The following CLMP variants were observed in gnomAD, a reference collection of about 807,000 sequenced individuals.
The protein encoded by CLMP is CXADR-like membrane protein.
CLMP carries 27 observed loss-of-function variants against 45.2 expected under a neutral mutation model. The ratio of observed to expected loss-of-function variants is 0.60; its 90% CI spans 0.44 to 0.82. The LOEUF is 0.82. Among genes scored for constraint, CLMP ranks in the 40% least tolerant of loss-of-function variants. CLMP has a pLI of 0.00. For missense variants in CLMP, 403 were observed against 448.4 expected (o/e 0.90, Z 0.91); for synonymous variants, 167 against 171.4 (o/e 0.97, Z 0.20).
intron 1 of CLMP, among the ~76,000 whole-genome samples, chr11:123,165,166 C>T (rs1454092363): frequency 6.6e-6 from 1 of 152,212 alleles, no homozygotes; most frequent in Non-Finnish European, 1.5e-5. Context: ...ACCATAGCAT[C>T]TTCTGATCTG....
chr11:123,091,072 CTTCTTTCTTTCTCTCTCTCTCTCTTTCT>C (rs1865927142), intron 2 of CLMP, among the ~76,000 whole-genome samples: 1 of 151,894 alleles, frequency 6.6e-6, no homozygotes, highest in South Asian at 2.1e-4. Context: ...GATTCTTTTC[CTTCTTTCTTTCTCTCTCTCTCTCTTTCT>C]TTGTTTCCTT....
chr11:123,182,302 A>AGATTCCATCACTTCT (rs1354583593), intron 1 of CLMP, among the ~76,000 whole-genome samples: 12 of 152,368 alleles, frequency 7.9e-5, no homozygotes, highest in African/African-American at 2.6e-4. Flanking sequence ...CCTGGAGCAC[A>AGATTCCATCACTTCT]GATTCCATCA....
chr11:123,118,979 T>C (rs866482086), intron 1 of CLMP, among the ~76,000 whole-genome samples: 130 of 45,212 alleles, frequency 2.9e-3, no homozygotes, highest in Middle Eastern at 0.011. Flanking sequence ...CTTTCTTTCT[T>C]TCTTTCTTTC....
At chr11:123,117,485 G>A (rs1024822605) in intron 1 of CLMP, among the ~76,000 whole-genome samples, 53 of 151,886 alleles carry the variant, frequency 3.5e-4, no homozygotes, top group African/African-American at 1.3e-3. Flanking sequence ...GGAGTGCAGT[G>A]GTACGATCTC....
chr11:123,130,042 A>G (rs370218939), intron 1 of CLMP, among the ~76,000 whole-genome samples: 1 of 152,010 alleles, frequency 6.6e-6, no homozygotes, highest in Non-Finnish European at 1.5e-5. Flanking sequence ...CACAGAGAAG[A>G]CTCTGCCCAC....
At chr11:123,091,655 G>A (rs776044353) in intron 2 of CLMP, among the ~76,000 whole-genome samples, 9 of 152,150 alleles carry the variant, frequency 5.9e-5, no homozygotes, top group Non-Finnish European at 1.0e-4. Context: ...TCTGGGCACC[G>A]ATTTCCCTAG....
chr11:123,119,967 G>A (rs1387667450), intron 1 of CLMP, among the ~76,000 whole-genome samples: 1 of 152,214 alleles, frequency 6.6e-6, no homozygotes, highest in Non-Finnish European at 1.5e-5. Context: ...AATTACAGGT[G>A]TGAGCCACCG....
chr11:123,141,215 C>G (rs1226700951), intron 1 of CLMP, among the ~76,000 whole-genome samples: 2 of 90,552 alleles, frequency 2.2e-5, no homozygotes, highest in Non-Finnish European at 3.8e-5. Flanking sequence ...GACGAAGTCT[C>G]ACTTTGTCGC....
chr11:123,168,175 C>T (rs1228199350), intron 1 of CLMP, among the ~76,000 whole-genome samples: 2 of 152,004 alleles, frequency 1.3e-5, no homozygotes, highest in Non-Finnish European at 2.9e-5. Context: ...TTATTCACTG[C>T]CTGTCCCCCC....
chr11:123,096,152 C>T (rs548251460), intron 2 of CLMP, among the ~76,000 whole-genome samples: 1 of 152,222 alleles, frequency 6.6e-6, no homozygotes, highest in East Asian at 1.9e-4. Flanking sequence ...CACCTGAGGT[C>T]AGGAGTTCGA....
intron 1 of CLMP, among the ~76,000 whole-genome samples, chr11:123,174,482 A>G (rs1289632817): frequency 1.3e-5 from 2 of 152,228 alleles, no homozygotes; most frequent in African/African-American, 4.8e-5. Flanking sequence ...CTCCCAAAAT[A>G]TAATATTTCA....
At chr11:123,123,369 C>T (rs1053767913) in intron 1 of CLMP, among the ~76,000 whole-genome samples, 2 of 150,000 alleles carry the variant, frequency 1.3e-5, no homozygotes, top group Admixed American at 6.7e-5. Context: ...AAGCCATTCT[C>T]GTGGATCAGC....
chr11:123,080,880 C>T (rs1865796465), intron 5 of CLMP, among the ~76,000 whole-genome samples: 2 of 152,146 alleles, frequency 1.3e-5, no homozygotes, highest in African/African-American at 4.8e-5. Context: ...TGTGGTGGCT[C>T]ACACCTGTGA....
At chr11:123,193,636 A>T (rs988351718) in intron 1 of CLMP, among the ~76,000 whole-genome samples, 2 of 152,234 alleles carry the variant, frequency 1.3e-5, no homozygotes, top group African/African-American at 4.8e-5. Context: ...GCTGGCCAAG[A>T]TGGGTATGCA....
chr11:123,168,356 C>A lies in CLMP; in HGVS notation c.28+26557G>T, dbSNP rs74652266. ...GACAGCATCTAGGGCAGCTGCCCCCCCTGGTTCTTCCTATCTACATCTGGA... is the reference window on the plus strand; with the variant it reads ...GACAGCATCTAGGGCAGCTGCCCCCACTGGTTCTTCCTATCTACATCTGGA... On this transcript the variant is annotated intron_variant, in intron 1 of 6. Coordinates refer to ENST00000448775, the MANE Select transcript of CLMP (RefSeq NM_024769.5). 3.0e-3 allele frequency among the ~76,000 whole-genome samples: 457 copies of A among 152,318 alleles called. 1 individual carries two copies. The highest frequency in any genetic ancestry group is 0.011 in the African/African-American group (445 of 41,566).
chr11:123,090,107 T>A lies in CLMP; in HGVS notation c.187-5394A>T, dbSNP rs561722488. Among the ~76,000 whole-genome samples the A allele has an allele frequency of 4.3e-4, 63 of 147,720 alleles. No homozygotes were observed. In the East Asian group the frequency reaches 9.1e-3, roughly 21 times the overall value. The stretch of plus-strand genomic sequence containing the variant: ...TCTGTCTCAAAGAAAAAAAAAAAAA[T>A]TTCTTATCATTTAGGATCCACTAAC... On this transcript the variant is annotated intron_variant, in intron 2 of 6. Coordinates refer to ENST00000448775, the MANE Select transcript of CLMP (RefSeq NM_024769.5).
intron 1 of CLMP, among the ~76,000 whole-genome samples, chr11:123,171,588 G>A (rs117216977): frequency 0.017 from 2,612 of 151,866 alleles, 118 homozygotes; most frequent in Admixed American, 0.092. Flanking sequence ...GGATTAACAG[G>A]TGCGTGCCAA....
At chr11:123,098,502 A>G (rs1866016368) in intron 1 of CLMP, among the ~76,000 whole-genome samples, 1 of 151,804 alleles carries the variant, frequency 6.6e-6, no homozygotes, top group African/African-American at 2.4e-5. Flanking sequence ...TGCTGGTATT[A>G]TAAGCATGAG....
At chr11:123,164,643 T>TG (rs1166924923) in intron 1 of CLMP, among the ~76,000 whole-genome samples, 1 of 151,872 alleles carries the variant, frequency 6.6e-6, no homozygotes, top group Non-Finnish European at 1.5e-5. Flanking sequence ...ACTAATCAAG[T>TG]GAGAGTAGCT....
Sources: gnomAD v4.1 joint callset for allele counts (sites outside exome capture counted in the v4.1 genomes callset) on GRCh38, gnomAD v4.1.1 for gene constraint, MANE v1.5 for transcripts, NCBI Gene and HGNC (gene_info 2026-07-23, HGNC 2026-07-21) for gene names.